The following TCERG1L variants were observed in gnomAD, a reference collection of about 807,000 sequenced individuals.
TCERG1L encodes transcription elongation regulator 1 like.
A neutral mutation model predicts 56.3 loss-of-function variants in TCERG1L; 37 were observed. That is an observed-to-expected ratio of 0.66 (90% confidence interval 0.51 to 0.87). The LOEUF (loss-of-function observed/expected upper bound fraction) is 0.87. TCERG1L is among the 40% of genes least tolerant of loss of function. The pLI, the probability that TCERG1L is intolerant of heterozygous loss-of-function variation, is 0.00. For missense variants in TCERG1L, 799 were observed against 774.2 expected (o/e 1.03, Z -0.38); for synonymous variants, 324 against 326.3 (o/e 0.99, Z 0.08).
intron 4 of TCERG1L, among the ~76,000 whole-genome samples, chr10:131,250,021 A>T (rs892386363): frequency 1.3e-5 from 2 of 152,204 alleles, no homozygotes; most frequent in African/African-American, 2.4e-5. Flanking sequence ...GCAGCCAGGG[A>T]CACCCTGGAG....
At position 131,311,178 on chromosome 10, in the gene TCERG1L, C is replaced by T. The variant is rs1020260412; in HGVS notation, c.342+116G>A. The stretch of plus-strand genomic sequence containing the variant: ...GCTCCGTCCTGAGGGTTTGGGGCGG[C>T]GAGGACCGCCGGGGAGGAGGGCGCG... On this transcript the variant is annotated intron_variant, in intron 1 of 11. Transcript: ENST00000368642. This position sits in a 1 kb window ranked among gnomAD's most constrained non-coding sequence, Gnocchi z 4.0. The T allele has an allele frequency of 8.3e-5, 70 of 841,888 alleles. No homozygotes were observed. The Middle Eastern group carries it at 1.3e-3, about 16-fold the overall frequency. 52.2% of individuals were successfully genotyped at this position (841,888 alleles called of 1,614,324 possible).
intron 8 of TCERG1L, among the ~76,000 whole-genome samples, chr10:131,131,974 C>A (rs1037674129): frequency 6.6e-6 from 1 of 152,200 alleles, no homozygotes. Flanking sequence ...TTGAGGAGTA[C>A]ATGGACTTAT....
chr10:131,242,705 C>T (rs1228796853), intron 4 of TCERG1L, among the ~76,000 whole-genome samples: 2 of 152,202 alleles, frequency 1.3e-5, no homozygotes, highest in Non-Finnish European at 2.9e-5. Flanking sequence ...TTCCAAAATA[C>T]TCCAAAGTCT....
intron 9 of TCERG1L, among the ~76,000 whole-genome samples, chr10:131,115,323 G>A (rs1845446734): frequency 6.6e-6 from 1 of 152,246 alleles, no homozygotes; most frequent in African/African-American, 2.4e-5. Flanking sequence ...ACCAAGTTGG[G>A]AGAAACTACA....
intron 3 of TCERG1L, among the ~76,000 whole-genome samples, chr10:131,266,544 C>G (rs79093852): frequency 0.02 from 3,070 of 152,174 alleles, 74 homozygotes; most frequent in East Asian, 0.078. Context: ...CTTCTTGAGT[C>G]CAGAAAGAAT....
intron 8 of TCERG1L, among the ~76,000 whole-genome samples, chr10:131,122,930 A>G (rs916343859): frequency 6.6e-6 from 1 of 152,190 alleles, no homozygotes; most frequent in Non-Finnish European, 1.5e-5. Flanking sequence ...TGCTGTCAGA[A>G]CTTGGGTGCA....
intron 6 of TCERG1L, among the ~76,000 whole-genome samples, chr10:131,160,046 G>A (rs1318070539): frequency 1.3e-5 from 2 of 152,126 alleles, no homozygotes; most frequent in African/African-American, 4.8e-5. Flanking sequence ...AACGAGAAAC[G>A]CAGTGAAGCA....
chr10:131,202,309 C>T (rs1589746089), intron 4 of TCERG1L, among the ~76,000 whole-genome samples: 4 of 152,154 alleles, frequency 2.6e-5, no homozygotes, highest in South Asian at 2.1e-4. Flanking sequence ...TCGCCGGGCG[C>T]GGTGGTTCAT....
Position 131,177,040 on chromosome 10 carries a change from GCACA to G in TCERG1L, c.857-10159_857-10156del, listed in dbSNP as rs1170554568. Reference sequence around the variant, plus strand: ...CACAGATACGTGTATACAGACACATGCACACACACAGACGTATACACACACAGAC... The same window carrying G: ...CACAGATACGTGTATACAGACACATGCACACAGACGTATACACACACAGAC... On this transcript the variant is annotated intron_variant, in intron 4 of 11. Coordinates refer to ENST00000368642, the MANE Select transcript of TCERG1L (RefSeq NM_174937.4). 5.2e-5 allele frequency among the ~76,000 whole-genome samples: 7 copies of G among 134,510 alleles called. No homozygotes were observed. In the East Asian group the frequency reaches 6.9e-4, roughly 13 times the overall value. 88.2% of individuals were successfully genotyped at this position (134,510 alleles called of 152,430 possible).
chr10:131,135,929 G>A (rs1007133905), intron 7 of TCERG1L, among the ~76,000 whole-genome samples: 2 of 152,206 alleles, frequency 1.3e-5, no homozygotes, highest in African/African-American at 4.8e-5. Flanking sequence ...GAGCTTCCTG[G>A]CTTTTCAGCG....
chr10:131,096,153 A>G (rs1845244514), intron 11 of TCERG1L, among the ~76,000 whole-genome samples: 1 of 152,100 alleles, frequency 6.6e-6, no homozygotes, highest in South Asian at 2.1e-4. Flanking sequence ...TCCCATTTGG[A>G]GGAGGGCTCG....
chr10:131,222,941 C>T lies in TCERG1L; in HGVS notation c.856+37318G>A, dbSNP rs538244199. 3.3e-5 allele frequency among the ~76,000 whole-genome samples: 5 copies of T among 152,292 alleles called. No individual in the cohort carries two copies. In the East Asian group the frequency reaches 9.7e-4, roughly 29 times the overall value. On this transcript the variant is annotated intron_variant, in intron 4 of 11. Transcript: ENST00000368642. ...GGTGGCTGTGGCCGGTTTAACCCCG[C>T]CCCGCCTGTGGGAAGTCTGCACAAG...
At chr10:131,155,432 C>G (rs780561311) in intron 6 of TCERG1L, among the ~76,000 whole-genome samples, 6 of 152,210 alleles carry the variant, frequency 3.9e-5, no homozygotes, top group Non-Finnish European at 8.8e-5. Context: ...GGAGGCTTGC[C>G]GGGAGGGCAG....
chr10:131,148,577 T>TACAGACAC (rs1178848232), intron 6 of TCERG1L, among the ~76,000 whole-genome samples: 1 of 92,576 alleles, frequency 1.1e-5, no homozygotes, highest in Non-Finnish European at 2.6e-5. Flanking sequence ...TACACACAAA[T>TACAGACAC]ACAGACACAC....
chr10:131,264,721 C>T (rs1409496531), intron 3 of TCERG1L, among the ~76,000 whole-genome samples: 1 of 152,230 alleles, frequency 6.6e-6, no homozygotes, highest in Non-Finnish European at 1.5e-5. Context: ...CAGAGGTCCT[C>T]CAGGTGTCTC....
intron 4 of TCERG1L, among the ~76,000 whole-genome samples, chr10:131,203,788 T>G (rs1267228267): frequency 6.6e-6 from 1 of 152,164 alleles, no homozygotes; most frequent in Non-Finnish European, 1.5e-5. Flanking sequence ...CTGGGAAATG[T>G]GATGGCAGCC....
intron 3 of TCERG1L, among the ~76,000 whole-genome samples, chr10:131,295,552 A>G (rs766185861): frequency 2.0e-5 from 3 of 152,262 alleles, no homozygotes; most frequent in Non-Finnish European, 4.4e-5. Flanking sequence ...TGCTAATGAA[A>G]TATGATGTTG....
intron 3 of TCERG1L, among the ~76,000 whole-genome samples, chr10:131,292,132 A>T (rs578021103): frequency 2.2e-4 from 34 of 152,224 alleles, no homozygotes; most frequent in Non-Finnish European, 4.3e-4. Context: ...AACTTCCTGA[A>T]AACAGTTTCA....
chr10:131,284,314 G>A (rs1271784064), intron 3 of TCERG1L, among the ~76,000 whole-genome samples: 1 of 151,552 alleles, frequency 6.6e-6, no homozygotes, highest in African/African-American at 2.4e-5. Flanking sequence ...AAAAATCATA[G>A]GATATAAAAC....
Sources: gnomAD v4.1 joint callset for allele counts (sites outside exome capture counted in the v4.1 genomes callset) on GRCh38, gnomAD v4.1.1 for gene constraint, Gnocchi (gnomAD v3.1) non-coding constraint, MANE v1.5 for transcripts, NCBI Gene and HGNC (gene_info 2026-07-23, HGNC 2026-07-21) for gene names.